Variants in OGDH observed in about 807,000 individuals in gnomAD.
OGDH encodes oxoglutarate dehydrogenase, also known as 2-oxoglutarate dehydrogenase complex component E1.
Under a neutral mutation model 116.6 loss-of-function variants are expected in OGDH, and 38 were observed. The ratio of observed to expected loss-of-function variants is 0.33; its 90% confidence interval spans 0.25 to 0.43. The LOEUF is 0.43. Among genes scored for constraint, OGDH ranks in the 20% least tolerant of loss-of-function variants. The probability of loss-of-function intolerance (pLI) is 1.00; values close to 1 mark genes in which losing one functional copy is unlikely to be tolerated. For synonymous variants in OGDH, 488 were observed against 533.3 expected (o/e 0.92, Z 1.17); for missense variants, 825 against 1,357.2 (o/e 0.61, Z 6.16).
At chr7:44,612,140 G>A (rs912964714) in intron 1 of OGDH, among the ~76,000 whole-genome samples, 4 of 152,110 alleles carry the variant, frequency 2.6e-5, no homozygotes, top group African/African-American at 7.2e-5. Flanking sequence ...AACCAGCACC[G>A]TTTGTTTGAG....
intron 4 of OGDH, among the ~76,000 whole-genome samples, chr7:44,663,600 C>T (rs1585315123): frequency 6.6e-6 from 1 of 152,186 alleles, no homozygotes; most frequent in African/African-American, 2.4e-5. Context: ...GAAACCCCGT[C>T]GCTACTAAAA....
intron 4 of OGDH, 145 bp downstream of exon 4, chr7:44,647,904 C>T: frequency 3.3e-6 from 2 of 601,798 alleles, no homozygotes. Context: ...GTATTGTAGC[C>T]TTAGTGTGTT....
At position 44,704,719 on chromosome 7, in the gene OGDH, G is replaced by GT. The variant is rs891923382; in HGVS notation, c.2633-2499dup. Reference sequence around the variant, plus strand: ...TGGGTGTTTTTTTTGTTTGTTTTTTGTTTTTTTCCGAGATGGAGTCTTACT... The same window carrying GT: ...TGGGTGTTTTTTTTGTTTGTTTTTTGTTTTTTTTCCGAGATGGAGTCTTACT... On this transcript the variant is annotated intron_variant, in intron 20 of 22. Transcript: ENST00000222673. Among the ~76,000 whole-genome samples the GT allele has an allele frequency of 5.3e-5, 8 of 151,524 alleles. No individual in the cohort carries two copies. In the East Asian group the frequency reaches 1.4e-3, roughly 26 times the overall value.
chr7:44,637,908 A>G (rs1363634141), intron 2 of OGDH, among the ~76,000 whole-genome samples: 1 of 152,118 alleles, frequency 6.6e-6, no homozygotes, highest in Admixed American at 6.5e-5. Context: ...TGTGGTAAGA[A>G]CTTCATCAGA....
intron 5 of OGDH, among the ~76,000 whole-genome samples, chr7:44,672,140 C>G (rs759964887): frequency 7.9e-5 from 12 of 152,044 alleles, no homozygotes; most frequent in Admixed American, 3.9e-4. Context: ...GCAGCACTTT[C>G]TCTTTTAGTT....
At chr7:44,612,733 G>T (rs1784613153) in intron 1 of OGDH, among the ~76,000 whole-genome samples, 2 of 151,230 alleles carry the variant, frequency 1.3e-5, no homozygotes, top group South Asian at 4.2e-4. Flanking sequence ...GTCTTACTCT[G>T]TCACCCAGGC....
At chr7:44,691,736 G>C (rs1313965094) in intron 10 of OGDH, among the ~76,000 whole-genome samples, 1 of 151,860 alleles carries the variant, frequency 6.6e-6, no homozygotes, top group Non-Finnish European at 1.5e-5. Context: ...CCAGCACTTT[G>C]GGAGGCCGAG....
chr7:44,694,351 G>A lies in OGDH; in HGVS notation c.1516-73G>A, dbSNP rs1788490139. 2 of 1,566,862 alleles carry A rather than the reference G, an allele frequency of 1.3e-6. No homozygotes were observed. The highest frequency in any genetic ancestry group is 1.2e-5 in the South Asian group (1 of 86,414). On this transcript the variant is annotated intron_variant, in intron 11 of 22. Coordinates refer to ENST00000222673, the MANE Select transcript of OGDH (RefSeq NM_002541.4). The surrounding 1 kb of genome is among the most constrained non-coding windows in gnomAD (Gnocchi z 4.2). ...GTGGCCATCACCTAGGAGAGATGGGGCAGGTGCCTGAACAGCACTTCTTCC... is the reference window on the plus strand; with the variant it reads ...GTGGCCATCACCTAGGAGAGATGGGACAGGTGCCTGAACAGCACTTCTTCC...
intron 1 of OGDH, among the ~76,000 whole-genome samples, chr7:44,618,731 A>G (rs962007647): frequency 6.6e-6 from 1 of 152,180 alleles, no homozygotes; most frequent in South Asian, 2.1e-4. Flanking sequence ...AAGGGAGGCC[A>G]TAGAAACTAA....
chr7:44,625,793 T>C lies in OGDH; in HGVS notation c.222+1228T>C, dbSNP rs185236614. On this transcript the variant is annotated intron_variant, in intron 2 of 22. Transcript: ENST00000222673. ...TGTAAACAAGCTTTCCCTTTAAGTA[T>C]TAGTGACACTTACGAATTTTTTTTT... Among the ~76,000 whole-genome samples, 5 of 152,150 alleles carry C rather than the reference T, an allele frequency of 3.3e-5. 1 individual carries two copies. The highest frequency in any genetic ancestry group is 1.2e-4 in the African/African-American group (5 of 41,568).
chr7:44,708,076 G>T lies in OGDH; in HGVS notation c.*77G>T. 1.3e-6 allele frequency: 2 copies of T among 1,548,424 alleles called. No individual in the cohort carries two copies. Among genetic ancestry groups the T allele is most frequent in the Non-Finnish European group, 1.7e-6 (2 of 1,148,772 alleles). On this transcript the variant is annotated 3_prime_UTR_variant, in exon 23 of 23. Coordinates refer to ENST00000222673, the MANE Select transcript of OGDH (RefSeq NM_002541.4). ...CCTTGCTTCTCAACTAAAGAATAGT[G>T]CCTCAGCGCTGCCCACACCACCGCC...
At chr7:44,607,414 C>T (rs1274487616) in intron 1 of OGDH, among the ~76,000 whole-genome samples, 1 of 152,202 alleles carries the variant, frequency 6.6e-6, no homozygotes, top group African/African-American at 2.4e-5. Flanking sequence ...TCCCACCTGC[C>T]ATCCCCATCC....
At position 44,657,405 on chromosome 7, in the gene OGDH, G is replaced by A. The variant is rs148940806; in HGVS notation, c.518-9331G>A. Among the ~76,000 whole-genome samples, 33 of 152,348 alleles carry A rather than the reference G, an allele frequency of 2.2e-4. 1 individual carries two copies. In the South Asian group the frequency reaches 2.3e-3, roughly 11 times the overall value. ...CAGCATAATTTTCTTAGAGATTCAT[G>A]CAGGTTGTTGGTGTGAATCAATAGT... On this transcript the variant is annotated intron_variant, in intron 4 of 22. Transcript: ENST00000222673.
intron 10 of OGDH, among the ~76,000 whole-genome samples, chr7:44,684,089 C>G (rs768058895): frequency 9.9e-5 from 15 of 152,104 alleles, no homozygotes; most frequent in South Asian, 6.2e-4. Flanking sequence ...ACTTCAAGGT[C>G]AGGTAGGCAA....
rs150376072 is a variant in OGDH at position 44,666,790 on chromosome 7, C to T, written c.572C>T (p.Thr191Ile). The T allele has an allele frequency of 7.4e-6, 12 of 1,613,302 alleles. No individual in the cohort carries two copies. Among genetic ancestry groups the T allele is most frequent in the Non-Finnish European group, 1.0e-5 (12 of 1,179,644 alleles). The part of the protein sequence containing the change: ...DLDKVFHLPT[T>I]TFIGGQESAL... Reference sequence around the variant, plus strand: ...GACAAGGTCTTCCACTTGCCCACCACCACTTTCATCGGGGGACAGGAATCA... The same window carrying T: ...GACAAGGTCTTCCACTTGCCCACCATCACTTTCATCGGGGGACAGGAATCA... Residue 191 changes from threonine (T) to isoleucine (I), a missense_variant, in exon 5 of 23, where the codon ACC (threonine) becomes ATC (isoleucine). Coordinates refer to ENST00000222673, the MANE Select transcript of OGDH (RefSeq NM_002541.4).
rs765490255 is a variant in OGDH at position 44,645,406 on chromosome 7, G to A, written c.302G>A (p.Arg101Gln). The A allele has an allele frequency of 2.6e-5, 42 of 1,614,058 alleles. No individual in the cohort carries two copies. The highest frequency in any genetic ancestry group is 6.7e-5 in the African/African-American group (5 of 74,920). Residue 101 changes from arginine (R) to glutamine (Q), a missense_variant, in exon 3 of 23, where the codon CGA becomes CAA. Coordinates refer to ENST00000222673, the MANE Select transcript of OGDH (RefSeq NM_002541.4). Reference protein sequence around the residue: ...TAYQSPLPLSRGSLAAVAHAQ... With the variant: ...TAYQSPLPLSQGSLAAVAHAQ... ...TACCAGAGTCCCCTTCCCCTGAGCC[G>A]AGGCTCCCTGGCTGCTGTGGCCCAT...
At chr7:44,689,634 T>G (rs906204753) in intron 10 of OGDH, among the ~76,000 whole-genome samples, 1 of 152,054 alleles carries the variant, frequency 6.6e-6, no homozygotes, top group Non-Finnish European at 1.5e-5. Flanking sequence ...CTCATTTTGG[T>G]TTTAATTTGC....
Position 44,697,249 on chromosome 7 carries a change from G to A in OGDH, c.2052-121G>A. 2 of 1,496,744 alleles carry A rather than the reference G, an allele frequency of 1.3e-6. No homozygotes were observed. Among genetic ancestry groups the A allele is most frequent in the East Asian group, 2.3e-5 (1 of 43,726 alleles). The allele number at this position is 1,496,744 out of a possible 1,614,324, so 92.7% of individuals were successfully genotyped here. ...AGACCTGGGTGGGGCCGACCCTGCA[G>A]CTGCCTGGCCAGAAGTCCAGGTCAC... On this transcript the variant is annotated intron_variant, in intron 15 of 22. Transcript: ENST00000222673. This position sits in a 1 kb window ranked among gnomAD's most constrained non-coding sequence, Gnocchi z 6.0.
rs560787469 is a variant in OGDH, at chr7:44,659,949, CCTTA to C, written c.518-6783_518-6780del. ...CATTGATTTCTGCTCTTTATTGTTT[CCTTA>C]CTTCTGCTTATTGGCTTTTGGCTTC... On this transcript the variant is annotated intron_variant, in intron 4 of 22. Coordinates refer to ENST00000222673, the MANE Select transcript of OGDH (RefSeq NM_002541.4). Among the ~76,000 whole-genome samples the C allele has an allele frequency of 5.2e-4, 79 of 152,078 alleles. 3 individuals are homozygous for C. The South Asian group carries it at 0.016, about 31-fold the overall frequency.
Sources: allele counts gnomAD v4.1 joint callset (sites outside exome capture counted in the v4.1 genomes callset), GRCh38; gene constraint gnomAD v4.1.1; non-coding constraint Gnocchi (gnomAD v3.1); transcripts MANE v1.5; gene names NCBI Gene and HGNC (gene_info 2026-07-23, HGNC 2026-07-21).